Variants in FAM135B observed in about 807,000 individuals in gnomAD.
FAM135B encodes the protein protein FAM135B.
Under a neutral mutation model 127.7 loss-of-function variants are expected in FAM135B, and 43 were observed. The ratio of observed to expected loss-of-function variants is 0.34; its 90% confidence interval spans 0.26 to 0.43. The LOEUF is 0.43. Among genes scored for constraint, FAM135B ranks in the 20% least tolerant of loss-of-function variants. The pLI, the probability that FAM135B is intolerant of heterozygous loss-of-function variation, is 1.00. For missense variants in FAM135B, 1,558 were observed against 1,725.6 expected (o/e 0.90, Z 1.72); for synonymous variants, 670 against 665.1 (o/e 1.01, Z -0.11).
intron 5 of FAM135B, 142 bp from the exon 6 acceptor site, chr8:138,251,156 A>G (rs747624261): frequency 1.0e-6 from 1 of 989,756 alleles, no homozygotes; most frequent in South Asian, 1.6e-5. Flanking sequence ...TCTGCCTGGT[A>G]GAAATCATTT....
chr8:138,160,082 G>A (rs1226260260), intron 12 of FAM135B, among the ~76,000 whole-genome samples: 1 of 152,106 alleles, frequency 6.6e-6, no homozygotes, highest in Non-Finnish European at 1.5e-5. Context: ...TGAATTCTGA[G>A]GCTTAGATGA....
chr8:138,292,562 A>C (rs905118975), intron 3 of FAM135B, among the ~76,000 whole-genome samples: 2 of 152,178 alleles, frequency 1.3e-5, no homozygotes, highest in Non-Finnish European at 2.9e-5. Context: ...AACCATTTAG[A>C]GATTAAATGC....
At chr8:138,149,647 C>CTCATCA (rs375306197) in intron 13 of FAM135B, among the ~76,000 whole-genome samples, 4 of 151,636 alleles carry the variant, frequency 2.6e-5, no homozygotes, top group Admixed American at 6.6e-5. Flanking sequence ...TGTTATTAGC[C>CTCATCA]TCATCATCAT....
chr8:138,370,850 T>C (rs1831067401), intron 1 of FAM135B, among the ~76,000 whole-genome samples: 1 of 152,218 alleles, frequency 6.6e-6, no homozygotes, highest in Admixed American at 6.5e-5. Context: ...GGTCCCAACC[T>C]TCTCCCCTTC....
intron 2 of FAM135B, among the ~76,000 whole-genome samples, chr8:138,334,674 A>G (rs975025532): frequency 2.0e-5 from 3 of 152,154 alleles, no homozygotes; most frequent in Non-Finnish European, 2.9e-5. Context: ...TTAGTTTGGT[A>G]TGAATAATGG....
chr8:138,363,594 A>G (rs1197743616), intron 2 of FAM135B, among the ~76,000 whole-genome samples: 1 of 152,140 alleles, frequency 6.6e-6, no homozygotes, highest in East Asian at 1.9e-4. Flanking sequence ...CAGTCCATAT[A>G]GACTTTGGAT....
intron 9 of FAM135B, among the ~76,000 whole-genome samples, chr8:138,186,980 T>C (rs1474517037): frequency 6.6e-6 from 1 of 152,130 alleles, no homozygotes; most frequent in Non-Finnish European, 1.5e-5. Context: ...GCAAAATGAC[T>C]GGGGATACTT....
chr8:138,298,256 C>T (rs555241639), intron 3 of FAM135B, among the ~76,000 whole-genome samples: 11 of 151,946 alleles, frequency 7.2e-5, no homozygotes, highest in East Asian at 1.9e-4. Flanking sequence ...GAGATGCAGA[C>T]GAAAAATAAC....
intron 1 of FAM135B, among the ~76,000 whole-genome samples, chr8:138,381,127 C>T (rs1194378107): frequency 6.6e-6 from 1 of 152,140 alleles, no homozygotes; most frequent in Non-Finnish European, 1.5e-5. Flanking sequence ...CTTTCAAGTG[C>T]AGCACTGATG....
chr8:138,228,068 C>G (rs1586827551), intron 7 of FAM135B, among the ~76,000 whole-genome samples: 1 of 152,236 alleles, frequency 6.6e-6, no homozygotes, highest in Non-Finnish European at 1.5e-5. Flanking sequence ...TGACTGCATT[C>G]TGACCCTGTC....
intron 3 of FAM135B, among the ~76,000 whole-genome samples, chr8:138,301,404 T>C (rs575664752): frequency 6.6e-6 from 1 of 152,236 alleles, no homozygotes; most frequent in African/African-American, 2.4e-5. Context: ...TTAATGACTA[T>C]GAGAACTCTA....
In FAM135B at chr8:138,141,692, T is replaced by C. The variant is rs2130605949; in HGVS notation, c.3639-343A>G. Among the ~76,000 whole-genome samples, 1 of 152,262 alleles carries C rather than the reference T, an allele frequency of 6.6e-6. No individual in the cohort carries two copies. The highest frequency in any genetic ancestry group is 2.1e-4 in the South Asian group (1 of 4,816). ...ACCTCTGAGCATTGAAATCTCCTGG[T>C]CATTCACAGGATCAAGTCCCAAGTC... On this transcript the variant is annotated intron_variant, in intron 16 of 19. Transcript: ENST00000395297. The surrounding 1 kb of genome is among the most constrained non-coding windows in gnomAD (Gnocchi z 4.7).
At chr8:138,310,727 C>A (rs1826621411) in intron 3 of FAM135B, 114 bp downstream of exon 3, 1 of 912,614 alleles carries the variant, frequency 1.1e-6, no homozygotes, top group Non-Finnish European at 1.6e-6. Context: ...CAACATTCAC[C>A]ACAGATTGAC....
At chr8:138,336,526 C>T (rs191458540) in intron 2 of FAM135B, among the ~76,000 whole-genome samples, 7 of 152,174 alleles carry the variant, frequency 4.6e-5, no homozygotes, top group Non-Finnish European at 7.4e-5. Flanking sequence ...ATACATTCCT[C>T]GACACATACA....
intron 1 of FAM135B, among the ~76,000 whole-genome samples, chr8:138,486,939 G>C (rs553518307): frequency 8.5e-4 from 129 of 152,112 alleles, no homozygotes; most frequent in African/African-American, 3.0e-3. Context: ...GAAGGTTCCT[G>C]GGATGAAGGA....
At chr8:138,281,138 C>T (rs555198428) in intron 3 of FAM135B, among the ~76,000 whole-genome samples, 18 of 152,270 alleles carry the variant, frequency 1.2e-4, no homozygotes, top group South Asian at 4.1e-4. Flanking sequence ...AGGCAGATTG[C>T]TCAAGTTGAT....
intron 1 of FAM135B, among the ~76,000 whole-genome samples, chr8:138,390,835 A>C (rs883972): frequency 6.6e-6 from 1 of 151,908 alleles, no homozygotes; most frequent in African/African-American, 2.4e-5. Context: ...TGGCAGTGTT[A>C]GAAGCAGAGC....
At chr8:138,225,188 G>T (rs1012483935) in intron 7 of FAM135B, among the ~76,000 whole-genome samples, 2 of 152,032 alleles carry the variant, frequency 1.3e-5, no homozygotes, top group African/African-American at 2.4e-5. Flanking sequence ...TAGATCAAAA[G>T]AATTACACTG....
At chr8:138,203,463 T>G (rs1302037743) in intron 7 of FAM135B, among the ~76,000 whole-genome samples, 1 of 152,204 alleles carries the variant, frequency 6.6e-6, no homozygotes, top group Non-Finnish European at 1.5e-5. Context: ...TGCCCCAGGT[T>G]GAGCTGTCTC....
Sources: gnomAD v4.1 joint callset for allele counts (sites outside exome capture counted in the v4.1 genomes callset) on GRCh38, gnomAD v4.1.1 for gene constraint, Gnocchi (gnomAD v3.1) non-coding constraint, MANE v1.5 for transcripts, NCBI Gene and HGNC (gene_info 2026-07-23, HGNC 2026-07-21) for gene names.